AUTS2: variants seen among roughly 807,000 people sequenced by gnomAD.
AUTS2 encodes the protein activator of transcription and developmental regulator AUTS2.
AUTS2 carries 17 observed loss-of-function variants against 112.4 expected under a neutral mutation model. The ratio of observed to expected loss-of-function variants is 0.15; its 90% CI spans 0.10 to 0.23. The LOEUF is 0.23. AUTS2 is among the 10% of genes least tolerant of loss of function. The probability of loss-of-function intolerance (pLI) is 1.00; values close to 1 mark genes in which losing one functional copy is unlikely to be tolerated. For missense variants in AUTS2, 1,510 were observed against 1,701.6 expected (o/e 0.89, Z 1.98); for synonymous variants, 751 against 702.7 (o/e 1.07, Z -1.09).
chr7:70,333,237 C>CA (rs1790839670), intron 4 of AUTS2, among the ~76,000 whole-genome samples: 1 of 152,120 alleles, frequency 6.6e-6, no homozygotes, highest in South Asian at 2.1e-4. Context: ...TAGAGAAATG[C>CA]AAATCAAAAC....
intron 1 of AUTS2, among the ~76,000 whole-genome samples, chr7:69,681,250 ACTT>A (rs1405019639): frequency 6.6e-6 from 1 of 152,122 alleles, no homozygotes; most frequent in East Asian, 1.9e-4. Flanking sequence ...TCCTGCTATC[ACTT>A]CTTCTGCATA....
intron 2 of AUTS2, among the ~76,000 whole-genome samples, chr7:70,053,111 A>G (rs1007681799): frequency 6.6e-6 from 1 of 152,210 alleles, no homozygotes; most frequent in Non-Finnish European, 1.5e-5. Flanking sequence ...AAATCAATAT[A>G]TATTTCATAA....
At chr7:70,040,310 T>G (rs1801191622) in intron 2 of AUTS2, among the ~76,000 whole-genome samples, 1 of 152,156 alleles carries the variant, frequency 6.6e-6, no homozygotes, top group Non-Finnish European at 1.5e-5. Flanking sequence ...GGACAGGAAG[T>G]ACATGGGAAC....
At chr7:70,756,572 C>T (rs1456517733) in intron 6 of AUTS2, among the ~76,000 whole-genome samples, 1 of 151,910 alleles carries the variant, frequency 6.6e-6, no homozygotes, top group Non-Finnish European at 1.5e-5. Context: ...AAGTGGAAAC[C>T]AAGTCATTTA....
chr7:70,220,546 A>G (rs1383298556), intron 4 of AUTS2, among the ~76,000 whole-genome samples: 1 of 152,232 alleles, frequency 6.6e-6, no homozygotes, highest in Non-Finnish European at 1.5e-5. Flanking sequence ...CTGTGACAAA[A>G]GCCACCATTG....
intron 4 of AUTS2, among the ~76,000 whole-genome samples, chr7:70,375,728 G>T (rs1793055314): frequency 1.3e-5 from 2 of 152,116 alleles, no homozygotes; most frequent in South Asian, 4.1e-4. Context: ...GTGTAAGGTG[G>T]GGTTGGTGAG....
At chr7:70,120,569 T>G (rs949491741) in intron 3 of AUTS2, among the ~76,000 whole-genome samples, 4 of 152,204 alleles carry the variant, frequency 2.6e-5, no homozygotes, top group Non-Finnish European at 2.9e-5. Context: ...TCTCATTGAC[T>G]CTAGAAATTA....
chr7:69,683,959 G>T (rs1310903054), intron 1 of AUTS2, among the ~76,000 whole-genome samples: 1 of 152,078 alleles, frequency 6.6e-6, no homozygotes, highest in Non-Finnish European at 1.5e-5. Context: ...ATGTTCAAGA[G>T]ATAATGGCGG....
intron 4 of AUTS2, among the ~76,000 whole-genome samples, chr7:70,152,671 C>G (rs925033553): frequency 5.9e-5 from 9 of 151,992 alleles, no homozygotes; most frequent in Admixed American, 5.2e-4. Context: ...ATCAAAAAGC[C>G]TAGTTGAAAA....
At chr7:70,614,550 G>A (rs186714669) in intron 5 of AUTS2, among the ~76,000 whole-genome samples, 40 of 152,320 alleles carry the variant, frequency 2.6e-4, no homozygotes, top group Admixed American at 2.5e-3. Flanking sequence ...CCTGCGGCAG[G>A]GATTGGAACT....
At chr7:70,097,532 C>T (rs886749773) in intron 2 of AUTS2, among the ~76,000 whole-genome samples, 1 of 152,216 alleles carries the variant, frequency 6.6e-6, no homozygotes, top group Admixed American at 6.5e-5. Flanking sequence ...GTTTGGAGAG[C>T]ATATTTCATT....
In AUTS2 at chr7:69,873,418, C is replaced by CT. The variant is rs36005575; in HGVS notation, c.310-25851dup. On this transcript the variant is annotated intron_variant, in intron 1 of 18. Transcript: ENST00000342771. The stretch of plus-strand genomic sequence containing the variant: ...TAGTTGCCGTTGGGTGGGGCTCAGG[C>CT]TTTTTTTTTTTTTTTTTGCATCCCA... 7.8e-3 allele frequency among the ~76,000 whole-genome samples: 979 copies of CT among 125,418 alleles called. 5 individuals are homozygous for CT. Among genetic ancestry groups the CT allele is most frequent in the South Asian group, 0.02 (81 of 3,970 alleles). 82.3% of individuals were successfully genotyped at this position (125,418 alleles called of 152,430 possible).
intron 5 of AUTS2, among the ~76,000 whole-genome samples, chr7:70,438,787 C>G (rs1214290763): frequency 6.6e-6 from 1 of 152,166 alleles, no homozygotes; most frequent in Non-Finnish European, 1.5e-5. Context: ...GATTCGCATT[C>G]GAATCTGAAT....
At chr7:70,218,496 C>T (rs2129591016) in intron 4 of AUTS2, among the ~76,000 whole-genome samples, 1 of 152,212 alleles carries the variant, frequency 6.6e-6, no homozygotes, top group East Asian at 1.9e-4. Flanking sequence ...TCCTTGCCCT[C>T]AGGGTCTGTG....
At chr7:70,189,004 A>G (rs10499812) in intron 4 of AUTS2, among the ~76,000 whole-genome samples, 45,322 of 151,936 alleles carry the variant, frequency 0.3, 7,017 homozygotes, top group Middle Eastern at 0.37. Context: ...TCTAGCAAAT[A>G]TAGGAATTAC....
intron 5 of AUTS2, among the ~76,000 whole-genome samples, chr7:70,665,479 T>TTATC: frequency 6.6e-6 from 1 of 151,914 alleles, no homozygotes; most frequent in African/African-American, 2.4e-5. Flanking sequence ...ATTTATTTAT[T>TTATC]TTTGTAGAGG....
intron 6 of AUTS2, among the ~76,000 whole-genome samples, chr7:70,719,086 T>C (rs1327364061): frequency 6.6e-6 from 1 of 152,158 alleles, no homozygotes; most frequent in Non-Finnish European, 1.5e-5. Context: ...AATTAACCCA[T>C]GGAACCCTCA....
intron 1 of AUTS2, among the ~76,000 whole-genome samples, chr7:69,600,707 A>G (rs1341400108): frequency 6.6e-6 from 1 of 151,830 alleles, no homozygotes; most frequent in Non-Finnish European, 1.5e-5. Flanking sequence ...ACACATACAT[A>G]GGCACATGTG....
At chr7:69,792,945 C>T (rs1000166078) in intron 1 of AUTS2, among the ~76,000 whole-genome samples, 3 of 152,030 alleles carry the variant, frequency 2.0e-5, no homozygotes, top group African/African-American at 7.2e-5. Context: ...TCTCAGGGGC[C>T]GGGCTATTCC....
Sources: allele counts gnomAD v4.1 joint callset (sites outside exome capture counted in the v4.1 genomes callset), GRCh38; gene constraint gnomAD v4.1.1; transcripts MANE v1.5; gene names NCBI Gene and HGNC (gene_info 2026-07-23, HGNC 2026-07-21).